Variants in QTGAL observed in about 807,000 individuals in gnomAD.
The protein encoded by QTGAL is queuosine-tRNA galactosyltransferase, also known as BGnT-like protein 1.
the QTGAL span, among the ~76,000 whole-genome samples, chr17:82,963,721 T>A: frequency 6.6e-6 from 1 of 152,138 alleles, no homozygotes; most frequent in African/African-American, 2.4e-5. Flanking sequence ...AGTGCTTGGC[T>A]AGGGCTGGCA....
At chr17:83,016,645 G>T in the QTGAL span, among the ~76,000 whole-genome samples, 13 of 111,376 alleles carry the variant, frequency 1.2e-4, no homozygotes, top group Admixed American at 7.1e-4. Context: ...AGAAGAAGGA[G>T]GGAGGAGGCA....
the QTGAL span, among the ~76,000 whole-genome samples, chr17:83,035,294 C>T: frequency 6.6e-6 from 1 of 152,022 alleles, no homozygotes. Context: ...ATTCTCCTGC[C>T]TCAGCCTCCT....
the QTGAL span, among the ~76,000 whole-genome samples, chr17:83,046,903 A>C: frequency 6.6e-6 from 1 of 152,246 alleles, no homozygotes; most frequent in African/African-American, 2.4e-5. Context: ...AAAGGAACGG[A>C]GCACGATACA....
At chr17:83,048,410 G>A in the QTGAL span, 375,521 of 1,385,786 alleles carry the variant, frequency 0.27, 51,750 homozygotes, top group East Asian at 0.37. Flanking sequence ...AAACTGTTTC[G>A]GTACGTAAGT....
the QTGAL span, among the ~76,000 whole-genome samples, chr17:83,034,521 CTG>C: frequency 6.8e-6 from 1 of 148,074 alleles, no homozygotes; most frequent in African/African-American, 2.4e-5. Context: ...GAATTAATAA[CTG>C]ATAAGGTTGG....
At chr17:83,005,175 G>C in the QTGAL span, 3 of 1,610,782 alleles carry the variant, frequency 1.9e-6, no homozygotes, top group South Asian at 3.3e-5. The surrounding 1 kb of genome is among the most constrained non-coding windows in gnomAD (Gnocchi z 5.6). Flanking sequence ...GTTCGGTGGA[G>C]TTAGGGGGAT....
the QTGAL span, among the ~76,000 whole-genome samples, chr17:83,013,847 G>T: frequency 1.3e-5 from 2 of 152,190 alleles, no homozygotes; most frequent in African/African-American, 4.8e-5. Context: ...TCTAAAACTT[G>T]AGCGAGATCT....
the QTGAL span, among the ~76,000 whole-genome samples, chr17:83,017,548 G>A: frequency 6.6e-6 from 1 of 152,104 alleles, no homozygotes; most frequent in Non-Finnish European, 1.5e-5. Context: ...ACTTGAACCT[G>A]GAGGTGGAGG....
the QTGAL span, among the ~76,000 whole-genome samples, chr17:83,044,518 C>T: frequency 1.1e-4 from 16 of 152,226 alleles, no homozygotes; most frequent in African/African-American, 2.4e-4. Context: ...TAAAAACCTA[C>T]AGCTAACGTC....
chr17:82,943,930 G>A, the QTGAL span: 1 of 152,250 alleles, frequency 6.6e-6, no homozygotes, highest in Admixed American at 6.5e-5. Flanking sequence ...TCCACACAGT[G>A]GAAAAGGCTT....
the QTGAL span, among the ~76,000 whole-genome samples, chr17:82,974,932 G>C: frequency 6.8e-6 from 1 of 146,112 alleles, no homozygotes; most frequent in East Asian, 2.0e-4. Context: ...CCCCAGGACA[G>C]AGCCGGACTC....
chr17:83,042,840 A>C, the QTGAL span, among the ~76,000 whole-genome samples: 1 of 152,266 alleles, frequency 6.6e-6, no homozygotes, highest in Non-Finnish European at 1.5e-5. Context: ...AGTAGGCTGA[A>C]AGTGGAACAA....
chr17:82,969,741 G>A, the QTGAL span, among the ~76,000 whole-genome samples: 1 of 152,084 alleles, frequency 6.6e-6, no homozygotes, highest in Non-Finnish European at 1.5e-5. Context: ...ATGCAGTGGC[G>A]TGATCACAGC....
the QTGAL span, chr17:83,049,084 T>G: frequency 6.9e-6 from 2 of 288,772 alleles, no homozygotes; most frequent in African/African-American, 4.5e-5. Flanking sequence ...AAACCCCATC[T>G]CTACTAAAAA....
At chr17:83,047,609 A>C in the QTGAL span, among the ~76,000 whole-genome samples, 3 of 133,410 alleles carry the variant, frequency 2.2e-5, no homozygotes, top group Non-Finnish European at 3.3e-5. Flanking sequence ...ATCCTTATCA[A>C]AGAACAAGAA....
chr17:83,050,717 C>A, the QTGAL span, among the ~76,000 whole-genome samples: 1 of 152,302 alleles, frequency 6.6e-6, no homozygotes, highest in East Asian at 1.9e-4. Context: ...TGCCGGAGCA[C>A]GGGGAAGGTG....
At chr17:83,008,347 G>A in the QTGAL span, among the ~76,000 whole-genome samples, 2 of 152,248 alleles carry the variant, frequency 1.3e-5, no homozygotes, top group South Asian at 2.1e-4. Context: ...AGCGCAGGCC[G>A]CTGGAGTTGA....
chr17:83,027,354 T>A, the QTGAL span, among the ~76,000 whole-genome samples: 180 of 152,354 alleles, frequency 1.2e-3, 3 homozygotes, highest in East Asian at 0.024. Flanking sequence ...ATTTACTTCA[T>A]GCCACATACG....
At chr17:83,024,308 T>C in the QTGAL span, among the ~76,000 whole-genome samples, 1 of 152,200 alleles carries the variant, frequency 6.6e-6, no homozygotes, top group Non-Finnish European at 1.5e-5. Flanking sequence ...CAGGCCCTGC[T>C]TCTGAATTCA....
Sources: gnomAD v4.1 joint callset for allele counts (sites outside exome capture counted in the v4.1 genomes callset) on GRCh38, gnomAD v4.1.1 for gene constraint, Gnocchi (gnomAD v3.1) non-coding constraint, MANE v1.5 for transcripts, NCBI Gene and HGNC (gene_info 2026-07-23, HGNC 2026-07-21) for gene names.